DNM3: variants seen among roughly 807,000 people sequenced by gnomAD.
DNM3 encodes the protein dynamin-3.
A neutral mutation model predicts 101.6 loss-of-function variants in DNM3; 47 were observed. The ratio of observed to expected loss-of-function variants is 0.46; its 90% CI spans 0.37 to 0.59. DNM3 has a LOEUF of 0.59. DNM3 is among the 20% of genes least tolerant of loss of function. DNM3 has a pLI of 0.00. For synonymous variants in DNM3, 385 were observed against 387.9 expected, an observed-to-expected ratio of 0.99 and a Z score of 0.09; for missense variants, 849 against 1,085.7, an observed-to-expected ratio of 0.78 and a Z score of 3.06.
intron 17 of DNM3, among the ~76,000 whole-genome samples, chr1:172,367,690 A>C (rs1377301107): frequency 1.3e-5 from 2 of 151,936 alleles, no homozygotes; most frequent in Non-Finnish European, 2.9e-5. Context: ...TATGCCGCCT[A>C]CAATAAACTC....
chr1:171,856,351 C>T (rs2033610416), intron 1 of DNM3, among the ~76,000 whole-genome samples: 2 of 152,018 alleles, frequency 1.3e-5, no homozygotes, highest in African/African-American at 4.8e-5. Flanking sequence ...GCCTTGGCTA[C>T]TTGGCTGTTT....
rs189772125 is a variant in DNM3 at position 171,901,408 on chromosome 1, A to C, written c.162-20340A>C. ...TAGATTACTCACCAGTGAACAATTC[A>C]GGCCCTTGCACAGAGCCCACTCAGC... On this transcript the variant is annotated intron_variant, in intron 1 of 20. Transcript: ENST00000627582. Among the ~76,000 whole-genome samples the C allele has an allele frequency of 1.4e-3, 211 of 152,160 alleles. 1 individual carries two copies. The highest frequency in any genetic ancestry group is 4.9e-3 in the African/African-American group (203 of 41,506).
chr1:172,030,445 A>C (rs1052913612), intron 4 of DNM3, among the ~76,000 whole-genome samples: 5 of 152,238 alleles, frequency 3.3e-5, no homozygotes, highest in African/African-American at 1.2e-4. Flanking sequence ...ACCCAAAACC[A>C]TAAAAACCAT....
intron 20 of DNM3, among the ~76,000 whole-genome samples, chr1:172,403,395 C>G (rs1347027513): frequency 6.6e-6 from 1 of 152,102 alleles, no homozygotes; most frequent in Non-Finnish European, 1.5e-5. Flanking sequence ...TGAGGTCTCC[C>G]TTAACTCCTG....
chr1:171,851,698 G>C (rs979793440), intron 1 of DNM3, among the ~76,000 whole-genome samples: 10 of 152,244 alleles, frequency 6.6e-5, no homozygotes, highest in African/African-American at 2.4e-4. Context: ...ATAGGCGTGA[G>C]CCACTGCACC....
chr1:172,336,358 A>T (rs2066427155), intron 17 of DNM3, among the ~76,000 whole-genome samples: 1 of 152,100 alleles, frequency 6.6e-6, no homozygotes, highest in Admixed American at 6.6e-5. Context: ...AACCTAATTT[A>T]TTATTGTATA....
intron 1 of DNM3, among the ~76,000 whole-genome samples, chr1:171,883,683 G>C (rs1228795174): frequency 6.6e-6 from 1 of 152,014 alleles, no homozygotes; most frequent in South Asian, 2.1e-4. Context: ...TGTTGGTCAG[G>C]CTGGTCTCGA....
At chr1:172,135,650 T>C in intron 14 of DNM3, among the ~76,000 whole-genome samples, 1 of 152,122 alleles carries the variant, frequency 6.6e-6, no homozygotes, top group East Asian at 1.9e-4. Context: ...GAAAGGGATT[T>C]AGTAAAAAGC....
intron 14 of DNM3, among the ~76,000 whole-genome samples, chr1:172,219,628 T>C (rs2060834429): frequency 6.6e-6 from 1 of 152,050 alleles, no homozygotes; most frequent in Non-Finnish European, 1.5e-5. Context: ...ACAGAGGTGC[T>C]GGACCTTTTT....
chr1:172,022,467 G>C (rs2047913316), intron 4 of DNM3, among the ~76,000 whole-genome samples: 1 of 151,772 alleles, frequency 6.6e-6, no homozygotes, highest in African/African-American at 2.4e-5. Flanking sequence ...TTGCCATTTT[G>C]GTATATCACT....
chr1:172,386,964 A>T, intron 18 of DNM3, 169 bp from the exon 19 acceptor site: 2 of 588,072 alleles, frequency 3.4e-6, no homozygotes, highest in South Asian at 3.9e-5. Context: ...AGTACTGGGG[A>T]TAGAGACAAA....
chr1:172,292,549 G>T (rs2063964349), intron 15 of DNM3, among the ~76,000 whole-genome samples: 1 of 151,882 alleles, frequency 6.6e-6, no homozygotes, highest in African/African-American at 2.4e-5. Flanking sequence ...CTATTCATAT[G>T]GGAAACACTT....
At chr1:171,882,144 C>G (rs1185681267) in intron 1 of DNM3, among the ~76,000 whole-genome samples, 1 of 151,816 alleles carries the variant, frequency 6.6e-6, no homozygotes, top group East Asian at 1.9e-4. Flanking sequence ...GTCAGGAGTT[C>G]GAGACCAGCC....
chr1:172,086,068 T>C (rs943083384), intron 12 of DNM3, among the ~76,000 whole-genome samples: 3 of 152,210 alleles, frequency 2.0e-5, no homozygotes, highest in African/African-American at 7.2e-5. Flanking sequence ...AAATAAGTTA[T>C]AAATTCCAAT....
At chr1:172,067,572 TCC>T (rs943583112) in intron 10 of DNM3, among the ~76,000 whole-genome samples, 12 of 152,248 alleles carry the variant, frequency 7.9e-5, no homozygotes, top group African/African-American at 2.9e-4. Context: ...TCACACATGT[TCC>T]TGTTCCTGGC....
chr1:171,913,752 A>C (rs900033642), intron 1 of DNM3, among the ~76,000 whole-genome samples: 1 of 151,994 alleles, frequency 6.6e-6, no homozygotes, highest in Admixed American at 6.6e-5. Context: ...AGTATATTGA[A>C]ATATTGTGAG....
chr1:172,198,258 G>A (rs2060025845), intron 14 of DNM3, among the ~76,000 whole-genome samples: 1 of 152,102 alleles, frequency 6.6e-6, no homozygotes, highest in African/African-American at 2.4e-5. Context: ...GCATCCCGAG[G>A]ATGAAGCCTA....
intron 1 of DNM3, among the ~76,000 whole-genome samples, chr1:171,914,234 C>T (rs762110797): frequency 3.3e-5 from 5 of 151,244 alleles, no homozygotes; most frequent in Non-Finnish European, 5.9e-5. Flanking sequence ...CGCGGCTCAC[C>T]GCAACCTCCG....
chr1:172,185,343 G>A (rs1347950746), intron 14 of DNM3, among the ~76,000 whole-genome samples: 1 of 152,108 alleles, frequency 6.6e-6, no homozygotes, highest in Admixed American at 6.6e-5. Flanking sequence ...GAATTGGAAT[G>A]CAGAGAAAAA....
Sources: gnomAD v4.1 joint callset for allele counts (sites outside exome capture counted in the v4.1 genomes callset) on GRCh38, gnomAD v4.1.1 for gene constraint, MANE v1.5 for transcripts, NCBI Gene and HGNC (gene_info 2026-07-23, HGNC 2026-07-21) for gene names.